The following SGCD variants were observed in gnomAD, a reference collection of about 807,000 sequenced individuals.
SGCD encodes sarcoglycan delta.
Under a neutral mutation model 36.6 loss-of-function variants are expected in SGCD, and 18 were observed. That is an observed-to-expected ratio of 0.49 (90% confidence interval 0.34 to 0.73). The LOEUF (loss-of-function observed/expected upper bound fraction) is 0.73, where lower values mean the gene tolerates loss of function less well. Ranked by LOEUF, SGCD falls within the 30% of genes least tolerant of loss-of-function variation. The pLI is 0.01. For synonymous variants in SGCD, 133 were observed against 130.6 expected (o/e 1.02, Z -0.12); for missense variants, 387 against 346.7 (o/e 1.12, Z -0.92).
chr5:156,641,710 G>C (rs1325641183), intron 6 of SGCD, among the ~76,000 whole-genome samples: 1 of 152,176 alleles, frequency 6.6e-6, no homozygotes, highest in Non-Finnish European at 1.5e-5. Flanking sequence ...GGCTTTGACT[G>C]TCTATTTCAT....
At chr5:156,205,264 TG>T (rs1323122691) in intron 3 of SGCD, among the ~76,000 whole-genome samples, 4 of 152,078 alleles carry the variant, frequency 2.6e-5, no homozygotes, top group African/African-American at 9.7e-5. Flanking sequence ...ATGGGTAGGC[TG>T]GTAAGAGTTA....
chr5:156,194,786 G>A (rs1397986623), intron 3 of SGCD, among the ~76,000 whole-genome samples: 1 of 152,032 alleles, frequency 6.6e-6, no homozygotes, highest in Non-Finnish European at 1.5e-5. Flanking sequence ...TTTACTGTTT[G>A]TATGATCTTG....
At chr5:156,346,269 T>G (rs889793297) in intron 3 of SGCD, among the ~76,000 whole-genome samples, 2 of 152,124 alleles carry the variant, frequency 1.3e-5, no homozygotes, top group African/African-American at 4.8e-5. Context: ...ATAATTCAGT[T>G]CTTTCTAAAA....
At chr5:156,270,349 A>G (rs1766143202) in intron 3 of SGCD, among the ~76,000 whole-genome samples, 1 of 152,076 alleles carries the variant, frequency 6.6e-6, no homozygotes, top group Non-Finnish European at 1.5e-5. Flanking sequence ...TGGCTATTCA[A>G]GCTCTTTTTT....
At chr5:156,674,084 G>A (rs1451653131) in intron 7 of SGCD, among the ~76,000 whole-genome samples, 2 of 152,226 alleles carry the variant, frequency 1.3e-5, no homozygotes, top group Non-Finnish European at 2.9e-5. Context: ...AAAATGGAGA[G>A]CAGAAGGCGT....
In SGCD at chr5:156,508,476, C is replaced by T. The variant is rs115801951; in HGVS notation, c.193-125C>T. On this transcript the variant is annotated intron_variant, in intron 3 of 8. Coordinates refer to ENST00000337851, the MANE Select transcript of SGCD (RefSeq NM_000337.6). ...ATATTTTACATGTTTTTTGAATACCCGTCCTCATTCCACACCTTCAAAAAT... is the reference window on the plus strand; with the variant it reads ...ATATTTTACATGTTTTTTGAATACCTGTCCTCATTCCACACCTTCAAAAAT... The T allele has an allele frequency of 6.4e-3, 4,055 of 630,576 alleles. 83 individuals are homozygous for T. Among genetic ancestry groups the T allele is most frequent in the African/African-American group, 0.051 (2,718 of 53,610 alleles). 39.1% of individuals were successfully genotyped at this position (630,576 alleles called of 1,614,324 possible).
At chr5:156,158,036 G>C (rs184574620) in intron 3 of SGCD, among the ~76,000 whole-genome samples, 64 of 150,600 alleles carry the variant, frequency 4.2e-4, no homozygotes, top group Non-Finnish European at 7.8e-4. Context: ...AAATGAACAG[G>C]AAACTGTGTA....
At chr5:155,887,466 C>T (rs1756032137) in intron 1 of SGCD, among the ~76,000 whole-genome samples, 1 of 152,168 alleles carries the variant, frequency 6.6e-6, no homozygotes, top group African/African-American at 2.4e-5. Flanking sequence ...TTTAGCGCAT[C>T]CTGGAACTTC....
intron 3 of SGCD, among the ~76,000 whole-genome samples, chr5:156,153,480 C>T (rs1278091081): frequency 1.3e-5 from 2 of 151,668 alleles, no homozygotes; most frequent in Admixed American, 6.6e-5. Flanking sequence ...GTGAACTCTC[C>T]TGAAATCCTG....
intron 3 of SGCD, among the ~76,000 whole-genome samples, chr5:156,467,272 C>T (rs1754759049): frequency 1.3e-5 from 2 of 152,090 alleles, no homozygotes; most frequent in African/African-American, 2.4e-5. Flanking sequence ...ATTTAATTAT[C>T]TATAAAATAT....
At chr5:156,437,811 G>A (rs936313622) in intron 3 of SGCD, among the ~76,000 whole-genome samples, 2 of 152,104 alleles carry the variant, frequency 1.3e-5, no homozygotes, top group South Asian at 4.1e-4. Context: ...AAATATATAT[G>A]TGTTTTTTAA....
chr5:156,610,801 G>A (rs1194312600), intron 6 of SGCD, among the ~76,000 whole-genome samples: 3 of 152,236 alleles, frequency 2.0e-5, no homozygotes, highest in African/African-American at 2.4e-5. Context: ...CTCCTGTGCT[G>A]GCAGTGAGCA....
intron 3 of SGCD, among the ~76,000 whole-genome samples, chr5:156,268,990 G>A (rs1766079274): frequency 6.6e-6 from 1 of 152,034 alleles, no homozygotes; most frequent in Non-Finnish European, 1.5e-5. Flanking sequence ...TTCTGTATTA[G>A]TCTGTTTCCA....
At chr5:156,148,071 C>T (rs1762747314) in intron 3 of SGCD, among the ~76,000 whole-genome samples, 1 of 152,158 alleles carries the variant, frequency 6.6e-6, no homozygotes, top group Admixed American at 6.5e-5. Context: ...AGAACTACCC[C>T]TCCTCCAGTA....
intron 1 of SGCD, among the ~76,000 whole-genome samples, chr5:155,910,809 G>T (rs943343855): frequency 6.6e-6 from 1 of 152,230 alleles, no homozygotes; most frequent in Admixed American, 6.5e-5. Context: ...CATTGTCAAA[G>T]TGGAAGATAT....
chr5:156,383,670 T>G (rs774583092), intron 3 of SGCD, among the ~76,000 whole-genome samples: 12 of 152,106 alleles, frequency 7.9e-5, no homozygotes, highest in Non-Finnish European at 1.8e-4. Flanking sequence ...GAAACTAAAG[T>G]GAAGTCTATC....
At chr5:155,978,809 G>C (rs1581024006) in intron 1 of SGCD, among the ~76,000 whole-genome samples, 1 of 151,912 alleles carries the variant, frequency 6.6e-6, no homozygotes, top group East Asian at 1.9e-4. Context: ...CAGGGGGAGG[G>C]GGGATATTGG....
intron 3 of SGCD, among the ~76,000 whole-genome samples, chr5:156,466,155 C>A (rs762194352): frequency 4.6e-5 from 7 of 152,036 alleles, no homozygotes; most frequent in Admixed American, 6.6e-5. Flanking sequence ...AGAGTGAAAA[C>A]GCCAAGTCAT....
At chr5:156,691,893 AAATC>A (rs1754125034) in intron 7 of SGCD, among the ~76,000 whole-genome samples, 1 of 152,228 alleles carries the variant, frequency 6.6e-6, no homozygotes, top group Non-Finnish European at 1.5e-5. Context: ...TTCATTATCC[AAATC>A]AATAATGCAA....
Sources: gnomAD v4.1 joint callset for allele counts (sites outside exome capture counted in the v4.1 genomes callset) on GRCh38, gnomAD v4.1.1 for gene constraint, MANE v1.5 for transcripts, NCBI Gene and HGNC (gene_info 2026-07-23, HGNC 2026-07-21) for gene names.